The following CPSF2 variants were observed in gnomAD, a reference collection of about 807,000 sequenced individuals.
CPSF2 encodes the protein cleavage and polyadenylation specific factor 2, also known as cleavage and polyadenylation specificity factor subunit 2.
CPSF2 carries 51 observed loss-of-function variants against 84.2 expected under a neutral mutation model. The observed-to-expected ratio is 0.61, with a 90% CI of 0.48 to 0.77. CPSF2 has a LOEUF of 0.77. Among genes scored for constraint, CPSF2 ranks in the 30% least tolerant of loss-of-function variants. The probability of loss-of-function intolerance (pLI) is 0.00; values close to 1 mark genes in which losing one functional copy is unlikely to be tolerated. For missense variants in CPSF2, 641 were observed against 929.4 expected, an observed-to-expected ratio of 0.69 and a Z score of 4.03; for synonymous variants, 286 against 311.9, an observed-to-expected ratio of 0.92 and a Z score of 0.87.
intron 1 of CPSF2, among the ~76,000 whole-genome samples, chr14:92,122,746 A>G (rs537007770): frequency 6.6e-6 from 1 of 151,998 alleles, no homozygotes; most frequent in African/African-American, 2.4e-5. Context: ...GTCAGATTGA[A>G]CCCCGGCAAG....
At chr14:92,130,713 G>A (rs2141452925) in intron 2 of CPSF2, among the ~76,000 whole-genome samples, 1 of 152,080 alleles carries the variant, frequency 6.6e-6, no homozygotes, top group Non-Finnish European at 1.5e-5. Context: ...GCCACTAAAG[G>A]GCTCATTGTG....
At chr14:92,155,694 C>T (rs1466659076) in intron 11 of CPSF2, among the ~76,000 whole-genome samples, 1 of 151,198 alleles carries the variant, frequency 6.6e-6, no homozygotes, top group Non-Finnish European at 1.5e-5. Context: ...TTTGGGAGGC[C>T]GAGATGGGAG....
rs879929181 is a variant in CPSF2 at position 92,167,769 on chromosome 14, A to G, written c.*6025A>G. ...TTATCTTCTTCTGTACTTTTCTTTGATTAATGTAAGAGTCTAGAGTTTTAT... is the reference window on the plus strand; with the variant it reads ...TTATCTTCTTCTGTACTTTTCTTTGGTTAATGTAAGAGTCTAGAGTTTTAT... On this transcript the variant is annotated 3_prime_UTR_variant, in exon 16 of 16. Transcript: ENST00000298875. 7.0e-6 allele frequency: 1 copy of G among 143,704 alleles called. No individual in the cohort carries two copies. The highest frequency in any genetic ancestry group is 6.7e-5 in the Admixed American group (1 of 14,840). 8.9% of individuals were successfully genotyped at this position (143,704 alleles called of 1,614,324 possible).
rs921310203 is a variant in CPSF2 at position 92,122,053 on chromosome 14, C to T, written c.-169C>T. 1 of 556,382 alleles carries T rather than the reference C, an allele frequency of 1.8e-6. No homozygotes were observed. Among genetic ancestry groups the T allele is most frequent in the Non-Finnish European group, 3.2e-6 (1 of 312,430 alleles). 34.5% of individuals were successfully genotyped at this position (556,382 alleles called of 1,614,324 possible). A position where few individuals can be genotyped will look rare whatever the true frequency, so the allele number is the denominator to read the frequency against. The stretch of plus-strand genomic sequence containing the variant: ...CCTGGCGCTGCTGACCCAGCATCGG[C>T]TTTTCTACGTCTTGAACCTGGATTC... On this transcript the variant is annotated 5_prime_UTR_variant, in exon 1 of 16. Coordinates refer to ENST00000298875, the MANE Select transcript of CPSF2 (RefSeq NM_017437.3).
chr14:92,126,925 C>G (rs1393981276), intron 2 of CPSF2, among the ~76,000 whole-genome samples: 1 of 152,146 alleles, frequency 6.6e-6, no homozygotes, highest in African/African-American at 2.4e-5. Context: ...CAAGCCAACT[C>G]CTGTACTCAG....
chr14:92,122,138 G>C lies in CPSF2; in HGVS notation c.-94+10G>C. On this transcript the variant is annotated intron_variant, in intron 1 of 15. Coordinates refer to ENST00000298875, the MANE Select transcript of CPSF2 (RefSeq NM_017437.3). ...GGGGAGGCCTGACGAGGCAAGTGAG[G>C]GCGGGAGAAAGGAGCGAGCCTCGGG... 2.7e-6 allele frequency: 1 copy of C among 374,418 alleles called. No homozygotes were observed. Among genetic ancestry groups the C allele is most frequent in the Non-Finnish European group, 5.1e-6 (1 of 197,134 alleles). 23.2% of individuals were successfully genotyped at this position (374,418 alleles called of 1,614,324 possible).
chr14:92,145,157 C>T (rs1462043350), intron 9 of CPSF2, among the ~76,000 whole-genome samples: 1 of 152,112 alleles, frequency 6.6e-6, no homozygotes, highest in Non-Finnish European at 1.5e-5. Context: ...GCTGACTAAA[C>T]CTTAACATAG....
intron 2 of CPSF2, among the ~76,000 whole-genome samples, chr14:92,128,286 G>A (rs1016995091): frequency 2.0e-5 from 3 of 151,872 alleles, no homozygotes; most frequent in South Asian, 2.1e-4. Flanking sequence ...TCAAGAGATC[G>A]AGACTATTGT....
chr14:92,156,952 A>T (rs1246004879), intron 12 of CPSF2, among the ~76,000 whole-genome samples: 1 of 152,170 alleles, frequency 6.6e-6, no homozygotes, highest in Non-Finnish European at 1.5e-5. Flanking sequence ...GAATAATGTG[A>T]CTCACAGTTT....
At chr14:92,150,281 A>ATT (rs541214449) in intron 9 of CPSF2, among the ~76,000 whole-genome samples, 7 of 146,778 alleles carry the variant, frequency 4.8e-5, no homozygotes, top group African/African-American at 1.8e-4. Flanking sequence ...TGCCCAGCTA[A>ATT]TTTTTTTTTT....
At chr14:92,136,147 A>G (rs915129137) in intron 6 of CPSF2, among the ~76,000 whole-genome samples, 11 of 152,216 alleles carry the variant, frequency 7.2e-5, no homozygotes, top group Admixed American at 5.2e-4. Context: ...GAGCATTACT[A>G]TATAATATTT....
intron 7 of CPSF2, among the ~76,000 whole-genome samples, chr14:92,141,504 T>C (rs1378460100): frequency 6.6e-6 from 1 of 152,130 alleles, no homozygotes; most frequent in African/African-American, 2.4e-5. Flanking sequence ...AATTTGTTTA[T>C]TTTTATAGAG....
chr14:92,124,503 T>C (rs2068821044), intron 1 of CPSF2, among the ~76,000 whole-genome samples: 1 of 152,032 alleles, frequency 6.6e-6, no homozygotes, highest in Non-Finnish European at 1.5e-5. Context: ...TCTGGGAGAG[T>C]AAATGGTTGG....
intron 14 of CPSF2, among the ~76,000 whole-genome samples, chr14:92,159,620 G>A (rs893283073): frequency 2.6e-5 from 4 of 152,142 alleles, no homozygotes; most frequent in Non-Finnish European, 5.9e-5. Flanking sequence ...TCAGGAGTTC[G>A]AGACTACAGT....
chr14:92,142,193 G>A lies in CPSF2; in HGVS notation c.691G>A (p.Gly231Arg), dbSNP rs1376316716. The part of the protein sequence containing the change: ...TNVLETLRGD[G>R]NVLIAVDTAG... The stretch of plus-strand genomic sequence containing the variant: ...TGTCCTGGAAACACTTCGAGGTGAT[G>A]GAAATGTGTTAATAGCAGTGGACAC... The change falls in exon 8 of 16, where the codon GGA (glycine) becomes AGA (arginine). Residue 231 changes from glycine to arginine, a missense_variant. By Grantham distance (125) the Gly-to-Arg change is moderately radical. Transcript: ENST00000298875. The A allele has an allele frequency of 3.7e-6, 6 of 1,611,580 alleles. No homozygotes were observed. Among genetic ancestry groups the A allele is most frequent in the Non-Finnish European group, 5.1e-6 (6 of 1,178,470 alleles).
intron 9 of CPSF2, among the ~76,000 whole-genome samples, chr14:92,152,968 C>G: frequency 6.6e-6 from 1 of 151,480 alleles, no homozygotes; most frequent in East Asian, 2.0e-4. Context: ...CTACTATAAG[C>G]ATTGCTGCAA....
chr14:92,151,645 CA>C (rs1339264148), intron 9 of CPSF2, among the ~76,000 whole-genome samples: 4 of 151,992 alleles, frequency 2.6e-5, no homozygotes, highest in Admixed American at 6.6e-5. Context: ...ATACTTTAAC[CA>C]AAACAACATA....
intron 9 of CPSF2, among the ~76,000 whole-genome samples, chr14:92,153,654 A>C (rs2141477200): frequency 6.7e-6 from 1 of 149,472 alleles, no homozygotes; most frequent in Admixed American, 6.7e-5. Context: ...CTCAAGTGAT[A>C]CTCAGTCTCT....
rs1351492001 is a variant in CPSF2, at chr14:92,166,661, G to C, written c.*4917G>C. On this transcript the variant is annotated 3_prime_UTR_variant, in exon 16 of 16. Coordinates refer to ENST00000298875, the MANE Select transcript of CPSF2 (RefSeq NM_017437.3). ...GTCACCATTCCTGGCATTAATTTTT[G>C]TATATGGTGTGAGGTAGGGGTCCAG... The C allele has an allele frequency of 6.6e-6, 1 of 152,092 alleles. No individual in the cohort carries two copies. The highest frequency in any genetic ancestry group is 1.5e-5 in the Non-Finnish European group (1 of 68,012). 9.4% of individuals were successfully genotyped at this position (152,092 alleles called of 1,614,324 possible).
Sources: gnomAD v4.1 joint callset for allele counts (sites outside exome capture counted in the v4.1 genomes callset) on GRCh38, gnomAD v4.1.1 for gene constraint, MANE v1.5 for transcripts, NCBI Gene and HGNC (gene_info 2026-07-23, HGNC 2026-07-21) for gene names.